KIAA1217: variants seen among roughly 807,000 people sequenced by gnomAD.
The protein encoded by KIAA1217 is KIAA1217, also known as sickle tail protein homolog.
Under a neutral mutation model 163.9 loss-of-function variants are expected in KIAA1217, and 88 were observed. The ratio of observed to expected loss-of-function variants is 0.54; its 90% CI spans 0.45 to 0.64. The LOEUF (loss-of-function observed/expected upper bound fraction) is 0.64, where lower values mean the gene tolerates loss of function less well. Ranked by LOEUF, KIAA1217 falls within the 30% of genes least tolerant of loss-of-function variation. KIAA1217 has a pLI of 0.00. For synonymous variants in KIAA1217, 903 were observed against 923.1 expected (o/e 0.98, Z 0.39); for missense variants, 2,372 against 2,475.0 (o/e 0.96, Z 0.88).
intron 1 of KIAA1217, among the ~76,000 whole-genome samples, chr10:23,764,822 G>A (rs1834430687): frequency 6.6e-6 from 1 of 152,024 alleles, no homozygotes; most frequent in African/African-American, 2.4e-5. Flanking sequence ...GTGGGAACTT[G>A]GAGGATGGGT....
At chr10:24,324,623 G>A (rs1206248832) in intron 2 of KIAA1217, among the ~76,000 whole-genome samples, 1 of 152,046 alleles carries the variant, frequency 6.6e-6, no homozygotes, top group Non-Finnish European at 1.5e-5. Flanking sequence ...AAGAAACTAT[G>A]GATAAATTGA....
intron 1 of KIAA1217, among the ~76,000 whole-genome samples, chr10:23,784,022 T>C (rs532634071): frequency 6.6e-6 from 1 of 152,202 alleles, no homozygotes; most frequent in East Asian, 1.9e-4. Context: ...TTTTTCTGCA[T>C]TTTTTATACT....
At chr10:24,472,543 A>G (rs751645762) in intron 5 of KIAA1217, among the ~76,000 whole-genome samples, 1 of 152,218 alleles carries the variant, frequency 6.6e-6, no homozygotes, top group Non-Finnish European at 1.5e-5. Context: ...CGTGAGCACT[A>G]TTGATACACT....
chr10:23,742,639 C>G (rs145749178), intron 1 of KIAA1217, among the ~76,000 whole-genome samples: 48 of 152,270 alleles, frequency 3.2e-4, no homozygotes, highest in Non-Finnish European at 6.0e-4. Context: ...AGAGCAAGAG[C>G]TCACTTATCA....
chr10:24,335,624 A>AT (rs1419465644), intron 2 of KIAA1217, among the ~76,000 whole-genome samples: 1 of 109,040 alleles, frequency 9.2e-6, no homozygotes, highest in African/African-American at 3.5e-5. Flanking sequence ...TTATTTATTT[A>AT]TTGGAGATGG....
intron 2 of KIAA1217, among the ~76,000 whole-genome samples, chr10:24,163,047 C>G: frequency 6.6e-6 from 1 of 152,196 alleles, no homozygotes; most frequent in East Asian, 1.9e-4. Context: ...ATTGGTCATA[C>G]AGACCAACTC....
intron 11 of KIAA1217, among the ~76,000 whole-genome samples, chr10:24,520,913 C>T (rs1294316353): frequency 1.3e-5 from 2 of 149,710 alleles, no homozygotes; most frequent in African/African-American, 4.9e-5. Flanking sequence ...AACCTGTAAC[C>T]AGGCACGGTG....
chr10:24,043,849 A>G (rs1025889236), intron 2 of KIAA1217, among the ~76,000 whole-genome samples: 5 of 152,138 alleles, frequency 3.3e-5, no homozygotes, highest in Non-Finnish European at 5.9e-5. Context: ...CTGTGAGATC[A>G]TTTTTAAATA....
chr10:23,978,715 A>G (rs572227948), intron 1 of KIAA1217, among the ~76,000 whole-genome samples: 35 of 152,296 alleles, frequency 2.3e-4, no homozygotes, highest in Middle Eastern at 3.4e-3. Flanking sequence ...GCAAATACAT[A>G]CTAGTATGTG....
chr10:23,869,117 AAATGTAGTTT>A (rs1840329598), intron 1 of KIAA1217, among the ~76,000 whole-genome samples: 1 of 139,870 alleles, frequency 7.1e-6, no homozygotes, highest in Non-Finnish European at 1.5e-5. Context: ...TGCAATCATG[AAATGTAGTTT>A]TTTTTTTTTT....
At chr10:24,088,912 C>T (rs1343840178) in intron 2 of KIAA1217, among the ~76,000 whole-genome samples, 1 of 124,806 alleles carries the variant, frequency 8.0e-6, no homozygotes, top group Admixed American at 7.7e-5. Flanking sequence ...GTCCCACCAA[C>T]AGTGTAAAAG....
intron 2 of KIAA1217, among the ~76,000 whole-genome samples, chr10:24,375,688 T>A (rs781243162): frequency 2.6e-5 from 4 of 152,224 alleles, no homozygotes; most frequent in Non-Finnish European, 4.4e-5. Flanking sequence ...TCCAAATACA[T>A]TTGCATGTGG....
intron 1 of KIAA1217, among the ~76,000 whole-genome samples, chr10:23,991,313 A>C (rs953745793): frequency 6.6e-6 from 1 of 152,120 alleles, no homozygotes; most frequent in African/African-American, 2.4e-5. Flanking sequence ...TCCTGTTTCC[A>C]TTGACTTCTC....
intron 2 of KIAA1217, among the ~76,000 whole-genome samples, chr10:24,364,003 T>C (rs1410729586): frequency 1.3e-5 from 2 of 150,014 alleles, no homozygotes; most frequent in Non-Finnish European, 3.0e-5. Context: ...TTTGAGACAG[T>C]GTTTTGCTCT....
intron 1 of KIAA1217, among the ~76,000 whole-genome samples, chr10:23,723,840 T>G (rs1837993628): frequency 6.6e-6 from 1 of 152,194 alleles, no homozygotes; most frequent in South Asian, 2.1e-4. Flanking sequence ...GTTCTCAGAT[T>G]GCTATAAAAA....
intron 10 of KIAA1217, among the ~76,000 whole-genome samples, chr10:24,514,809 G>A (rs1295129662): frequency 6.6e-6 from 1 of 151,846 alleles, no homozygotes; most frequent in Non-Finnish European, 1.5e-5. Flanking sequence ...GGCCAACATG[G>A]CAAAACCCCG....
intron 2 of KIAA1217, among the ~76,000 whole-genome samples, chr10:24,112,548 T>G (rs2062887776): frequency 6.6e-6 from 1 of 152,180 alleles, no homozygotes; most frequent in Non-Finnish European, 1.5e-5. Flanking sequence ...AAATTAGGGT[T>G]GGCCCTAACT....
chr10:23,982,373 T>G (rs1292202957), intron 1 of KIAA1217, among the ~76,000 whole-genome samples: 1 of 152,066 alleles, frequency 6.6e-6, no homozygotes, highest in Admixed American at 6.6e-5. Flanking sequence ...TCCCCGATGA[T>G]TCCCTGGACA....
chr10:24,367,299 C>T (rs374146292), intron 2 of KIAA1217: 57 of 277,238 alleles, frequency 2.1e-4, no homozygotes, highest in African/African-American at 1.2e-3. Context: ...CAGCCACTAA[C>T]GCCTGCACTT....
Sources: allele counts gnomAD v4.1 joint callset (sites outside exome capture counted in the v4.1 genomes callset), GRCh38; gene constraint gnomAD v4.1.1; transcripts MANE v1.5; gene names NCBI Gene and HGNC (gene_info 2026-07-23, HGNC 2026-07-21).